PUM2: variants seen among roughly 807,000 people sequenced by gnomAD.
PUM2 encodes the protein pumilio RNA binding family member 2, also known as pumilio homolog 2.
PUM2 carries 57 observed loss-of-function variants against 124.5 expected under a neutral mutation model. The ratio of observed to expected loss-of-function variants is 0.46; its 90% confidence interval spans 0.37 to 0.57. The LOEUF (loss-of-function observed/expected upper bound fraction) is 0.57. Ranked by LOEUF, PUM2 falls within the 20% of genes least tolerant of loss-of-function variation. The probability of loss-of-function intolerance (pLI) is 0.00; values close to 1 mark genes in which losing one functional copy is unlikely to be tolerated. For missense variants in PUM2, 1,065 were observed against 1,290.6 expected (o/e 0.83, Z 2.68); for synonymous variants, 460 against 446.1 (o/e 1.03, Z -0.39).
intron 1 of PUM2, among the ~76,000 whole-genome samples, chr2:20,344,982 C>CAA (rs762460030): frequency 0.34 from 22,233 of 65,764 alleles, 3,748 homozygotes; most frequent in Non-Finnish European, 0.4. Context: ...GACTCTGTCT[C>CAA]AAAAAAAAAA....
intron 2 of PUM2, among the ~76,000 whole-genome samples, chr2:20,324,833 C>T (rs1164027739): frequency 1.3e-5 from 2 of 151,384 alleles, no homozygotes; most frequent in Non-Finnish European, 2.9e-5. Flanking sequence ...GTAGATGTAA[C>T]ACTTTGTACA....
At chr2:20,304,612 C>A (rs2148469545) in intron 7 of PUM2, among the ~76,000 whole-genome samples, 1 of 152,272 alleles carries the variant, frequency 6.6e-6, no homozygotes, top group African/African-American at 2.4e-5. Flanking sequence ...GTATGCAAAG[C>A]TTTAAATATT....
chr2:20,347,464 T>C (rs1688467247), intron 1 of PUM2, among the ~76,000 whole-genome samples: 1 of 152,188 alleles, frequency 6.6e-6, no homozygotes, highest in African/African-American at 2.4e-5. Context: ...ACCTACCTAA[T>C]AATTCTATAC....
intron 1 of PUM2, among the ~76,000 whole-genome samples, chr2:20,339,457 G>A (rs16987565): frequency 0.036 from 5,476 of 152,142 alleles, 306 homozygotes; most frequent in African/African-American, 0.12. Flanking sequence ...CAATATAAAA[G>A]AATGTACGTG....
At chr2:20,350,974 C>G (rs1337618641), upstream of PUM2, 2 of 167,490 alleles carry the variant, frequency 1.2e-5, no homozygotes, top group Non-Finnish European at 2.4e-5. Context: ...CCGGGGGCGC[C>G]CTGCGCGTGC....
chr2:20,347,057 C>T lies in PUM2; in HGVS notation c.-19+3540G>A, dbSNP rs375694052. On this transcript the variant is annotated intron_variant, in intron 1 of 20. Coordinates refer to ENST00000361078, the MANE Select transcript of PUM2 (RefSeq NM_015317.5). Reference sequence around the variant, plus strand: ...ACAAGGTGTGTACATTTTGATATTTCCCAGTACTCTATTCTAAAATCTTTT... The same window carrying T: ...ACAAGGTGTGTACATTTTGATATTTTCCAGTACTCTATTCTAAAATCTTTT... Among the ~76,000 whole-genome samples the T allele has an allele frequency of 3.9e-5, 6 of 152,148 alleles. No homozygotes were observed. In the East Asian group the frequency reaches 7.7e-4, roughly 20 times the overall value.
Position 20,283,157 on chromosome 2 carries a change from T to G in PUM2, c.1510A>C (p.Thr504Pro), listed in dbSNP as rs551240638. ...TGTTGCTGCTGCTGTGGTGGCTGAG[T>G]GCCAATTGGCCGAAACAGACCATTT... is the stretch of plus-strand genomic sequence containing the variant. ...STNGLFRPIGTQPPQQQQQQP... is the reference protein window; with the variant it reads ...STNGLFRPIGPQPPQQQQQQP... The change falls in exon 12 of 21, where the codon ACT (threonine) becomes CCT (proline). Residue 504 changes from threonine (T) to proline (P), a missense_variant. Thr to Pro is a conservative substitution (Grantham distance 38). Transcript: ENST00000361078. 1.9e-6 allele frequency: 3 copies of G among 1,614,000 alleles called. No homozygotes were observed. Among genetic ancestry groups the G allele is most frequent in the Non-Finnish European group, 1.7e-6 (2 of 1,180,020 alleles).
chr2:20,261,641 T>G (rs1466177132), intron 14 of PUM2, among the ~76,000 whole-genome samples: 1 of 151,962 alleles, frequency 6.6e-6, no homozygotes, highest in Admixed American at 6.6e-5. Flanking sequence ...GCTAAAGATC[T>G]CCTAGTGGAA....
Position 20,278,639 on chromosome 2 carries a change from GA to G in PUM2, c.1900del (p.Ser634HisfsTer19). 6.2e-7 allele frequency: 1 copy of G among 1,613,442 alleles called. No homozygotes were observed. The highest frequency in any genetic ancestry group is 8.5e-7 in the Non-Finnish European group (1 of 1,179,650). On this transcript the variant is annotated frameshift_variant, in exon 13 of 21. Coordinates refer to ENST00000361078, the MANE Select transcript of PUM2 (RefSeq NM_015317.5). LOFTEE classifies it high-confidence loss of function. ...TGAAAGTGATGGCGGTGGCGTAAGTGAATGTCCTGGAGTTTGGCTTGGCAGA... is the reference window on the plus strand; with the variant it reads ...TGAAAGTGATGGCGGTGGCGTAAGTGATGTCCTGGAGTTTGGCTTGGCAGA... ...MPLPSQTPGH[S>X]LTPPPSLSSH...
intron 7 of PUM2, among the ~76,000 whole-genome samples, chr2:20,304,452 T>C (rs1677737407): frequency 6.6e-6 from 1 of 152,224 alleles, no homozygotes; most frequent in African/African-American, 2.4e-5. Context: ...TTCAAAAAAA[T>C]AAAATTCAAA....
intron 1 of PUM2, among the ~76,000 whole-genome samples, chr2:20,336,874 G>A (rs560190816): frequency 3.3e-5 from 5 of 151,052 alleles, no homozygotes; most frequent in African/African-American, 7.3e-5. Flanking sequence ...CTTCCACCTC[G>A]GCCTCCCAAA....
chr2:20,280,989 G>C (rs950548057), intron 12 of PUM2, among the ~76,000 whole-genome samples: 1 of 152,136 alleles, frequency 6.6e-6, no homozygotes, highest in Non-Finnish European at 1.5e-5. Flanking sequence ...GAGAAGGACT[G>C]TGTATGTTAC....
rs549296681 is a variant in PUM2, at chr2:20,343,041, T to G, written c.-19+7556A>C. ...GTGGTGCCTTCACAGCCTCCAAACC[T>G]GGGCTCAAGCAATCCTCCTGCCTCA... is the stretch of plus-strand genomic sequence containing the variant. On this transcript the variant is annotated intron_variant, in intron 1 of 20. Coordinates refer to ENST00000361078, the MANE Select transcript of PUM2 (RefSeq NM_015317.5). 3.3e-5 allele frequency among the ~76,000 whole-genome samples: 5 copies of G among 152,182 alleles called. No individual in the cohort carries two copies. In the South Asian group the frequency reaches 1.0e-3, roughly 32 times the overall value.
rs1255545730 is a variant in PUM2, at chr2:20,294,405, C to A, written c.1123G>T (p.Ala375Ser). 1 of 1,613,984 alleles carries A rather than the reference C, an allele frequency of 6.2e-7. No homozygotes were observed. Among genetic ancestry groups the A allele is most frequent in the African/African-American group, 1.3e-5 (1 of 74,912 alleles). Residue 375 changes from alanine to serine, a missense_variant, in exon 9 of 21, where the codon GCA (alanine) becomes TCA (serine). Ala to Ser is a moderately conservative substitution (Grantham distance 99). Around this residue, in one of 3 missense-constraint regions of PUM2, gnomAD observed 968 missense variants for 1,159.8 expected, o/e 0.83. Coordinates refer to ENST00000361078, the MANE Select transcript of PUM2 (RefSeq NM_015317.5). ...TGCTGTCCAGGCTGAGCTTGTGATG[C>A]TGCTTGCTGACTGGCTGTGTTATTT... ...AANNTASQQA[A>S]SQAQPGQQQV... is the part of the protein sequence containing the mutation.
chr2:20,333,635 A>G (rs1297333668), intron 1 of PUM2, among the ~76,000 whole-genome samples: 1 of 152,174 alleles, frequency 6.6e-6, no homozygotes, highest in Admixed American at 6.5e-5. Context: ...TGTTTTGGCT[A>G]GGCATGATGG....
At chr2:20,288,989 T>C (rs1056175820) in intron 10 of PUM2, among the ~76,000 whole-genome samples, 2 of 152,092 alleles carry the variant, frequency 1.3e-5, no homozygotes, top group African/African-American at 4.8e-5. Flanking sequence ...GATTAAGTAA[T>C]CCACTTTAAG....
At chr2:20,318,726 C>A in intron 2 of PUM2, 81 bp from the exon 3 acceptor site, 5 of 937,718 alleles carry the variant, frequency 5.3e-6, no homozygotes, top group Non-Finnish European at 8.2e-6. Flanking sequence ...CATATCACTG[C>A]TATGTATACA....
Position 20,336,681 on chromosome 2 carries a change from T to TTGTGTGTGTGTGTG in PUM2, c.-18-9317_-18-9304dup, listed in dbSNP as rs113658730. On this transcript the variant is annotated intron_variant, in intron 1 of 20. Transcript: ENST00000361078. ...ACAGGTGCCACCAGGCCTGGCTAAT[T>TTGTGTGTGTGTGTG]TGTGTGTGTGTGTGTGTGTGTGTGT... Among the ~76,000 whole-genome samples, 631 of 131,576 alleles carry TTGTGTGTGTGTGTG rather than the reference T, an allele frequency of 4.8e-3. 3 individuals carry two copies. The highest frequency in any genetic ancestry group is 8.0e-3 in the African/African-American group (274 of 34,326). The allele number at this position is 131,576 out of a possible 152,430, so 86.3% of individuals were successfully genotyped here.
intron 13 of PUM2, among the ~76,000 whole-genome samples, chr2:20,268,410 A>AAGACC (rs1481772317): frequency 6.6e-6 from 1 of 152,150 alleles, no homozygotes; most frequent in Non-Finnish European, 1.5e-5. Context: ...TTAAGAGTTC[A>AAGACC]AGACCAGCCT....
Sources: allele counts gnomAD v4.1 joint callset (sites outside exome capture counted in the v4.1 genomes callset), GRCh38; gene constraint gnomAD v4.1.1; regional missense constraint gnomAD v4.1.1; transcripts MANE v1.5; gene names NCBI Gene and HGNC (gene_info 2026-07-23, HGNC 2026-07-21).